Variants in ZNF217 observed in about 807,000 individuals in gnomAD.
The protein encoded by ZNF217 is zinc finger protein 217.
A neutral mutation model predicts 73.3 loss-of-function variants in ZNF217; 12 were observed. That is an observed-to-expected ratio of 0.16 (90% CI 0.10 to 0.27). The LOEUF is 0.27. ZNF217 is among the 10% of genes least tolerant of loss of function. ZNF217 has a pLI of 1.00. For missense variants in ZNF217, 1,195 were observed against 1,327.8 expected (o/e 0.90, Z 1.55); for synonymous variants, 588 against 516.4 (o/e 1.14, Z -1.88).
intron 1 of ZNF217, among the ~76,000 whole-genome samples, chr20:53,583,601 T>G (rs545726075): frequency 1.3e-5 from 2 of 152,374 alleles, no homozygotes; most frequent in African/African-American, 2.4e-5. Flanking sequence ...AAATCCAGTG[T>G]ATACAAAACA....
At chr20:53,573,336 C>T (rs550390907) in intron 4 of ZNF217, among the ~76,000 whole-genome samples, 1 of 152,252 alleles carries the variant, frequency 6.6e-6, no homozygotes, top group South Asian at 2.1e-4. Context: ...GTTGGTCAGG[C>T]TGTTTCCCAA....
Position 53,581,391 on chromosome 20 carries a change from T to TA in ZNF217, c.1366+69dup. Reference sequence around the variant, plus strand: ...GGCCAGCGTTGTCTGGAGATGGGAATAGAGAGGGGGAGACGGGGAGACAGA... The same window carrying TA: ...GGCCAGCGTTGTCTGGAGATGGGAATAAGAGAGGGGGAGACGGGGAGACAGA... On this transcript the variant is annotated intron_variant, in intron 2 of 5. Transcript: ENST00000371471. This position sits in a 1 kb window ranked among gnomAD's most constrained non-coding sequence, Gnocchi z 4.9. The TA allele has an allele frequency of 6.6e-7, 1 of 1,519,080 alleles. No individual in the cohort carries two copies. Among genetic ancestry groups the TA allele is most frequent in the Non-Finnish European group, 8.8e-7 (1 of 1,137,808 alleles). The allele number at this position is 1,519,080 out of a possible 1,614,324, so 94.1% of individuals were successfully genotyped here.
chr20:53,578,237 C>T lies in ZNF217; in HGVS notation c.1483+97G>A, dbSNP rs1988355473. ...GCTACATATTTATCCTTAAGCTAGT[C>T]CAAGGATCTGGCAGAGTATCTGAAC... On this transcript the variant is annotated intron_variant, in intron 3 of 5. Coordinates refer to ENST00000371471, the MANE Select transcript of ZNF217 (RefSeq NM_006526.3). 6.5e-6 allele frequency: 5 copies of T among 766,144 alleles called. No homozygotes were observed. The South Asian group carries it at 8.9e-5, about 14-fold the overall frequency. The allele number at this position is 766,144 out of a possible 1,614,324, so 47.5% of individuals were successfully genotyped here.
chr20:53,591,382 T>C (rs1441703587), intron 1 of ZNF217, among the ~76,000 whole-genome samples: 2 of 152,256 alleles, frequency 1.3e-5, no homozygotes, highest in Non-Finnish European at 2.9e-5. Flanking sequence ...AAGACAATTC[T>C]AAAGGACTAG....
chr20:53,596,186 A>G (rs150078750), upstream of ZNF217, among the ~76,000 whole-genome samples: 3,288 of 151,976 alleles, frequency 0.022, 126 homozygotes, highest in African/African-American at 0.075. Flanking sequence ...CTCCAAAGCT[A>G]CCACTTTGTT....
intron 1 of ZNF217, among the ~76,000 whole-genome samples, chr20:53,590,280 C>CA (rs1418337588): frequency 2.0e-5 from 3 of 152,194 alleles, no homozygotes; most frequent in African/African-American, 7.2e-5. Flanking sequence ...CCAATTCATT[C>CA]ATTAAACATT....
intron 1 of ZNF217, among the ~76,000 whole-genome samples, chr20:53,593,162 G>T (rs1176969678): frequency 6.6e-6 from 1 of 152,060 alleles, no homozygotes; most frequent in Non-Finnish European, 1.5e-5. Flanking sequence ...CGGGGCGCGC[G>T]TCGGGGTCCG....
intron 1 of ZNF217, among the ~76,000 whole-genome samples, chr20:53,584,876 A>G (rs1420664109): frequency 3.9e-5 from 6 of 152,190 alleles, no homozygotes; most frequent in Non-Finnish European, 5.9e-5. Context: ...TTTTAACTGA[A>G]TAACAGCACA....
At chr20:53,580,307 G>A (rs1361273853) in intron 2 of ZNF217, among the ~76,000 whole-genome samples, 7 of 152,142 alleles carry the variant, frequency 4.6e-5, no homozygotes, top group African/African-American at 9.7e-5. Context: ...CCAGTTTTCC[G>A]AAGAATTCAA....
Position 53,575,987 on chromosome 20 carries a change from G to T in ZNF217, c.2777C>A (p.Ala926Asp). Reference protein sequence around the residue: ...LPKRLKSSVVALDVDQPGANY... With the variant: ...LPKRLKSSVVDLDVDQPGANY... ...GGCCCCGGGCTGGTCAACGTCAAGG[G>T]CAACCACGCTGGACTTCAGTCTTTT... Residue 926 changes from alanine to aspartate, a missense_variant, in exon 4 of 6, where the codon GCC becomes GAC. Transcript: ENST00000371471. 1.2e-6 allele frequency: 2 copies of T among 1,614,216 alleles called. No homozygotes were observed. Among genetic ancestry groups the T allele is most frequent in the Non-Finnish European group, 1.7e-6 (2 of 1,180,036 alleles).
chr20:53,596,782 A>G (rs1328063382), upstream of ZNF217, among the ~76,000 whole-genome samples: 5 of 151,910 alleles, frequency 3.3e-5, no homozygotes, highest in Admixed American at 1.3e-4. Flanking sequence ...GTCAGGTGCT[A>G]CTAGATGCCA....
In ZNF217 at chr20:53,576,712, T is replaced by C. The variant is rs767921932; in HGVS notation, c.2052A>G (p.Glu684=). 5 of 1,614,106 alleles carry C rather than the reference T, an allele frequency of 3.1e-6. No homozygotes were observed. Among genetic ancestry groups the C allele is most frequent in the Middle Eastern group, 1.6e-4 (1 of 6,082 alleles). Residue 684 remains glutamate, a synonymous_variant, in exon 4 of 6, where the codon GAA becomes GAG. Coordinates refer to ENST00000371471, the MANE Select transcript of ZNF217 (RefSeq NM_006526.3). The part of the protein sequence containing the change: ...CRYRPSVDCH[E]KPLNLSVGAL... The stretch of plus-strand genomic sequence containing the variant: ...CCCCCACGGATAAATTTAAAGGTTT[T>C]TCGTGACAATCCACACTTGGCCTGT...
chr20:53,593,149 T>G (rs936005284), intron 1 of ZNF217, among the ~76,000 whole-genome samples: 1 of 150,696 alleles, frequency 6.6e-6, no homozygotes, highest in African/African-American at 2.4e-5. Context: ...CCCGAGGGAG[T>G]CACGGGGCGC....
Position 53,576,539 on chromosome 20 carries a change from T to C in ZNF217, c.2225A>G (p.Asn742Ser). 1 of 1,614,224 alleles carries C rather than the reference T, an allele frequency of 6.2e-7. No homozygotes were observed. Residue 742 changes from asparagine (N) to serine (S), a missense_variant, in exon 4 of 6, where the codon AAC becomes AGC. Coordinates refer to ENST00000371471, the MANE Select transcript of ZNF217 (RefSeq NM_006526.3). ...TCTAAGCAAGGACTTGTTTCGACAG[T>C]TTTTATGAACGTCAGGATTGTATTT... ...EHKYNPDVHK[N>S]CRNKSLLRSR...
intron 2 of ZNF217, among the ~76,000 whole-genome samples, chr20:53,580,164 T>C (rs1025918509): frequency 1.3e-5 from 2 of 152,198 alleles, no homozygotes; most frequent in African/African-American, 4.8e-5. Context: ...AAAAACATTC[T>C]AAAGATTTGA....
Position 53,573,997 on chromosome 20 carries a change from G to A in ZNF217, c.3037+1730C>T, listed in dbSNP as rs550335608. Among the ~76,000 whole-genome samples, 3 of 151,862 alleles carry A rather than the reference G, an allele frequency of 2.0e-5. 1 individual carries two copies. The highest frequency in any genetic ancestry group is 7.2e-5 in the African/African-American group (3 of 41,430). On this transcript the variant is annotated intron_variant, in intron 4 of 5. Coordinates refer to ENST00000371471, the MANE Select transcript of ZNF217 (RefSeq NM_006526.3). ...AGGTAGGAGAACTGCTTGGACCTGG[G>A]AGGCAGAGATTGCAGTGAGCTGAGA...
intron 5 of ZNF217, among the ~76,000 whole-genome samples, chr20:53,571,433 C>T (rs1487280598): frequency 8.6e-6 from 1 of 115,778 alleles, no homozygotes; most frequent in Non-Finnish European, 1.6e-5. Context: ...GACTGAGTCT[C>T]GCTCTGTCAC....
intron 1 of ZNF217, among the ~76,000 whole-genome samples, chr20:53,591,147 T>C (rs1413306407): frequency 6.6e-6 from 1 of 152,174 alleles, no homozygotes; most frequent in Non-Finnish European, 1.5e-5. Flanking sequence ...GGTGTATTAG[T>C]TCCTTTTTTT....
At chr20:53,584,183 G>A (rs1198758925) in intron 1 of ZNF217, among the ~76,000 whole-genome samples, 2 of 152,196 alleles carry the variant, frequency 1.3e-5, no homozygotes, top group Non-Finnish European at 2.9e-5. Context: ...GCAAACATTG[G>A]ATAGGCATTG....
Sources: gnomAD v4.1 joint callset for allele counts (sites outside exome capture counted in the v4.1 genomes callset) on GRCh38, gnomAD v4.1.1 for gene constraint, Gnocchi (gnomAD v3.1) non-coding constraint, MANE v1.5 for transcripts, NCBI Gene and HGNC (gene_info 2026-07-23, HGNC 2026-07-21) for gene names.